Variants in ATP9A observed in about 807,000 individuals in gnomAD.
ATP9A encodes the protein probable phospholipid-transporting ATPase IIA.
ATP9A carries 52 observed loss-of-function variants against 144.1 expected under a neutral mutation model. The observed-to-expected ratio is 0.36, with a 90% CI of 0.29 to 0.45. ATP9A has a LOEUF of 0.45. Ranked by LOEUF, ATP9A falls within the 20% of genes least tolerant of loss-of-function variation. The pLI is 1.00. For missense variants in ATP9A, 947 were observed against 1,392.7 expected, an observed-to-expected ratio of 0.68 and a Z score of 5.09; for synonymous variants, 582 against 557.4, an observed-to-expected ratio of 1.04 and a Z score of -0.62.
Position 51,658,898 on chromosome 20 carries a change from G to GGC in ATP9A, c.1294-1749_1294-1748insGC, listed in dbSNP as rs1555833862. Among the ~76,000 whole-genome samples, 5 of 133,664 alleles carry GGC rather than the reference G, an allele frequency of 3.7e-5. No individual in the cohort carries two copies. In the South Asian group the frequency reaches 1.4e-3, roughly 37 times the overall value. 87.7% of individuals were successfully genotyped at this position (133,664 alleles called of 152,430 possible). ...AATTAAGACCACTGGCGGGGGGGGG[G>GGC]GGGGGAAGGCTCATTGTTGAACACA... On this transcript the variant is annotated intron_variant, in intron 13 of 27. Coordinates refer to ENST00000338821, the MANE Select transcript of ATP9A (RefSeq NM_006045.3).
In ATP9A at chr20:51,656,347, T is replaced by A. The variant is rs544287937; in HGVS notation, c.1506+591A>T. On this transcript the variant is annotated intron_variant, in intron 14 of 27. Transcript: ENST00000338821. ...CCAGTGGATCACCTGAGGTCAGGAGTTCAAGACCAGCTTGGCCAACATGGT... is the reference window on the plus strand; with the variant it reads ...CCAGTGGATCACCTGAGGTCAGGAGATCAAGACCAGCTTGGCCAACATGGT... 2.8e-4 allele frequency among the ~76,000 whole-genome samples: 43 copies of A among 151,820 alleles called. 1 individual carries two copies. In the South Asian group the frequency reaches 9.0e-3, roughly 32 times the overall value.
At chr20:51,684,738 C>T (rs2077515158) in intron 9 of ATP9A, among the ~76,000 whole-genome samples, 1 of 149,054 alleles carries the variant, frequency 6.7e-6, no homozygotes, top group Admixed American at 6.8e-5. Context: ...GGCCTGGGCG[C>T]GGTGGCTCAC....
intron 13 of ATP9A, among the ~76,000 whole-genome samples, chr20:51,667,315 G>GT (rs1227922531): frequency 1.3e-5 from 2 of 152,090 alleles, no homozygotes; most frequent in East Asian, 3.9e-4. Flanking sequence ...TGGCATGGGT[G>GT]TAACTCCCAC....
At chr20:51,753,382 C>T (rs552797892) in intron 1 of ATP9A, among the ~76,000 whole-genome samples, 2 of 151,878 alleles carry the variant, frequency 1.3e-5, no homozygotes, top group South Asian at 2.1e-4. Flanking sequence ...ACTCGGAAGG[C>T]GGAGGTTGCA....
intron 1 of ATP9A, among the ~76,000 whole-genome samples, chr20:51,746,803 C>T (rs2077810204): frequency 6.6e-6 from 1 of 152,198 alleles, no homozygotes; most frequent in African/African-American, 2.4e-5. Flanking sequence ...CACGCCACTG[C>T]ACTCCAGCCT....
At chr20:51,754,130 C>T (rs572806243) in intron 1 of ATP9A, among the ~76,000 whole-genome samples, 2 of 152,238 alleles carry the variant, frequency 1.3e-5, no homozygotes, top group East Asian at 3.9e-4. Context: ...GGACAGACCA[C>T]CCTGACTTGA....
intron 15 of ATP9A, among the ~76,000 whole-genome samples, chr20:51,631,296 G>A (rs1329867091): frequency 1.3e-5 from 2 of 152,154 alleles, no homozygotes; most frequent in Non-Finnish European, 2.9e-5. Context: ...GTTTAAAAGC[G>A]TTCAACTGCA....
intron 9 of ATP9A, among the ~76,000 whole-genome samples, chr20:51,679,073 C>T (rs1316143208): frequency 6.6e-6 from 1 of 152,148 alleles, no homozygotes; most frequent in Non-Finnish European, 1.5e-5. Context: ...CCTGTAATCC[C>T]ATCACTTTGG....
intron 16 of ATP9A, among the ~76,000 whole-genome samples, chr20:51,628,702 C>T (rs2077259355): frequency 6.6e-6 from 1 of 152,226 alleles, no homozygotes; most frequent in African/African-American, 2.4e-5. Flanking sequence ...TGGATCCTGC[C>T]CTGGTCAAGT....
intron 22 of ATP9A, among the ~76,000 whole-genome samples, chr20:51,616,881 C>T (rs114993865): frequency 0.02 from 3,078 of 152,030 alleles, 106 homozygotes; most frequent in African/African-American, 0.07. Flanking sequence ...TTACTGACAA[C>T]GCTGACTGTC....
Position 51,694,105 on chromosome 20 carries a change from G to A in ATP9A, c.548-3C>T. 6.2e-7 allele frequency: 1 copy of A among 1,613,716 alleles called. No homozygotes were observed. The highest frequency in any genetic ancestry group is 8.5e-7 in the Non-Finnish European group (1 of 1,179,704). ...ATCCGTCCGCAAGAAGCATGACCCT[G>A]TGGAAGGAAGTCGGGTGCCGTCACC... is the stretch of plus-strand genomic sequence containing the variant. On this transcript the variant is annotated splice_region_variant and splice_polypyrimidine_tract_variant and intron_variant, in intron 6 of 27. Coordinates refer to ENST00000338821, the MANE Select transcript of ATP9A (RefSeq NM_006045.3).
chr20:51,631,101 T>C (rs1352302406), intron 15 of ATP9A, among the ~76,000 whole-genome samples: 2 of 152,210 alleles, frequency 1.3e-5, no homozygotes, highest in African/African-American at 4.8e-5. Context: ...TGTTCTTTGG[T>C]TTCAGGCTCC....
At chr20:51,618,517 T>G in intron 21 of ATP9A, 145 bp downstream of exon 21, 1 of 1,190,856 alleles carries the variant, frequency 8.4e-7, no homozygotes, top group Non-Finnish European at 1.2e-6. Flanking sequence ...AGAGCCAAAG[T>G]CTGAGAGGTG....
intron 23 of ATP9A, among the ~76,000 whole-genome samples, chr20:51,610,525 G>C (rs1336845119): frequency 2.0e-5 from 3 of 152,146 alleles, no homozygotes; most frequent in Non-Finnish European, 4.4e-5. Flanking sequence ...CAGGACCCAG[G>C]AATGCTTTGT....
intron 3 of ATP9A, among the ~76,000 whole-genome samples, chr20:51,720,951 T>A (rs926612258): frequency 3.9e-5 from 6 of 152,210 alleles, no homozygotes; most frequent in African/African-American, 1.4e-4. Flanking sequence ...ATGTCTGTTA[T>A]CAGAGGGGAA....
chr20:51,604,575 A>C (rs2077155877), intron 27 of ATP9A, among the ~76,000 whole-genome samples: 1 of 152,154 alleles, frequency 6.6e-6, no homozygotes, highest in Non-Finnish European at 1.5e-5. Flanking sequence ...TCAAAAAGAA[A>C]AACAAAAACA....
intron 1 of ATP9A, among the ~76,000 whole-genome samples, chr20:51,749,331 C>T (rs2077821947): frequency 6.6e-6 from 1 of 152,040 alleles, no homozygotes; most frequent in African/African-American, 2.4e-5. Context: ...GGTGCGATCT[C>T]GGCTCACTGC....
intron 1 of ATP9A, among the ~76,000 whole-genome samples, chr20:51,766,002 C>T (rs1239557643): frequency 1.3e-5 from 2 of 152,148 alleles, no homozygotes; most frequent in Non-Finnish European, 2.9e-5. Context: ...TCTAAAGGGG[C>T]TGTGATGCTC....
rs753046160 is a variant in ATP9A at position 51,596,758 on chromosome 20, T to G, written c.*4453A>C. 1 of 152,124 alleles carries G rather than the reference T, an allele frequency of 6.6e-6. No individual in the cohort carries two copies. The highest frequency in any genetic ancestry group is 2.4e-5 in the African/African-American group (1 of 41,416). The allele number at this position is 152,124 out of a possible 1,614,324, so 9.4% of individuals were successfully genotyped here. ...CCAGAATTCATGTTTCTGTACAAAT[T>G]AAAATAATCCCCCAAGGCAGAACGT... On this transcript the variant is annotated 3_prime_UTR_variant, in exon 28 of 28. Transcript: ENST00000338821.
Sources: allele counts gnomAD v4.1 joint callset (sites outside exome capture counted in the v4.1 genomes callset), GRCh38; gene constraint gnomAD v4.1.1; transcripts MANE v1.5; gene names NCBI Gene and HGNC (gene_info 2026-07-23, HGNC 2026-07-21).